Variants in AGAP1 observed in about 807,000 individuals in gnomAD.
AGAP1 encodes arf-GAP with GTPase, ANK repeat and PH domain-containing protein 1.
A neutral mutation model predicts 105.3 loss-of-function variants in AGAP1; 29 were observed. The observed-to-expected ratio is 0.28, with a 90% CI of 0.21 to 0.38. AGAP1 has a LOEUF of 0.38. Among genes scored for constraint, AGAP1 ranks in the 10% least tolerant of loss-of-function variants. AGAP1 has a pLI of 1.00. For synonymous variants in AGAP1, 509 were observed against 485.9 expected (o/e 1.05, Z -0.63); for missense variants, 998 against 1,165.1 (o/e 0.86, Z 2.09).
At chr2:236,031,377 C>CA (rs1240030366) in intron 13 of AGAP1, among the ~76,000 whole-genome samples, 1 of 152,184 alleles carries the variant, frequency 6.6e-6, no homozygotes, top group African/African-American at 2.4e-5. Flanking sequence ...ACGCCACGGG[C>CA]ACCCCTCCTT....
At chr2:235,494,908 G>GGTGTGCGCT in intron 1 of AGAP1, 59 bp downstream of exon 1, 1 of 1,486,608 alleles carries the variant, frequency 6.7e-7, no homozygotes, top group Non-Finnish European at 9.0e-7. Flanking sequence ...GCGCGGCGGG[G>GGTGTGCGCT]GTGTGCGCTG....
intron 12 of AGAP1, among the ~76,000 whole-genome samples, chr2:235,945,111 GT>G (rs1266076947): frequency 1.3e-5 from 2 of 151,818 alleles, no homozygotes; most frequent in African/African-American, 4.8e-5. Flanking sequence ...ATTCTTTTTT[GT>G]TTTTTTGAGA....
At chr2:235,925,471 GT>G (rs1393496728) in intron 11 of AGAP1, among the ~76,000 whole-genome samples, 1 of 152,176 alleles carries the variant, frequency 6.6e-6, no homozygotes, top group Non-Finnish European at 1.5e-5. Flanking sequence ...GGGGCTGAGG[GT>G]TGGGGCGTGG....
In AGAP1 at chr2:236,053,825, A is replaced by G. The variant is rs902223397; in HGVS notation, c.2114+4544A>G. On this transcript the variant is annotated intron_variant, in intron 16 of 17. Coordinates refer to ENST00000304032, the MANE Select transcript of AGAP1 (RefSeq NM_001037131.3). This position sits in a 1 kb window ranked among gnomAD's most constrained non-coding sequence, Gnocchi z 4.6. The stretch of plus-strand genomic sequence containing the variant: ...TGAAAGAGCTCTTGAGAGGCGCTTT[A>G]AGCGCAACTGAAATCACCCATTACC... 6.6e-6 allele frequency among the ~76,000 whole-genome samples: 1 copy of G among 152,270 alleles called. No individual in the cohort carries two copies. The highest frequency in any genetic ancestry group is 2.4e-5 in the African/African-American group (1 of 41,470).
In AGAP1 at chr2:236,014,676, C is replaced by T. The variant is rs2056631649; in HGVS notation, c.1646-21885C>T. 5.7e-6 allele frequency: 2 copies of T among 348,272 alleles called. No homozygotes were observed. Among genetic ancestry groups the T allele is most frequent in the Non-Finnish European group, 1.2e-5 (2 of 170,730 alleles). The allele number at this position is 348,272 out of a possible 1,614,324, so 21.6% of individuals were successfully genotyped here. A position where few individuals can be genotyped will look rare whatever the true frequency, so the allele number is the denominator to read the frequency against. On this transcript the variant is annotated intron_variant, in intron 13 of 17. Transcript: ENST00000304032. This position sits in a 1 kb window ranked among gnomAD's most constrained non-coding sequence, Gnocchi z 6.3. ...GGAGCTCCATGGCACCCACCCGCTT[C>T]GCGCAGACAGCTCGGAGGCAACGTC... is the stretch of plus-strand genomic sequence containing the variant.
chr2:235,554,369 G>A (rs898480398), intron 1 of AGAP1, among the ~76,000 whole-genome samples: 22 of 152,236 alleles, frequency 1.4e-4, no homozygotes, highest in African/African-American at 5.3e-4. Flanking sequence ...GGGCCCAGGG[G>A]TGAGCTCTTG....
intron 13 of AGAP1, among the ~76,000 whole-genome samples, chr2:236,006,395 T>C (rs72991136): frequency 0.25 from 38,360 of 152,156 alleles, 5,882 homozygotes; most frequent in South Asian, 0.46. Flanking sequence ...GCTCGTTGCT[T>C]CTGGGGTGCC....
intron 1 of AGAP1, chr2:235,670,049 T>A: frequency 2.6e-6 from 1 of 384,062 alleles, no homozygotes; most frequent in Non-Finnish European, 4.6e-6. Context: ...CCCGGCGCCC[T>A]CCCGGCCCGC....
At chr2:235,651,170 G>T (rs1947573281) in intron 1 of AGAP1, among the ~76,000 whole-genome samples, 1 of 108,778 alleles carries the variant, frequency 9.2e-6, no homozygotes, top group Non-Finnish European at 1.7e-5. Context: ...GAGTGACAGA[G>T]TGAAACTCCA....
rs541676444 is a variant in AGAP1 at position 236,083,753 on chromosome 2, A to G, written c.2114+34472A>G. ...CACATTAAGTCTGTTTTTTTACAGAAGGATAAATGGATGAACAGGTGTTTT... is the reference window on the plus strand; with the variant it reads ...CACATTAAGTCTGTTTTTTTACAGAGGGATAAATGGATGAACAGGTGTTTT... On this transcript the variant is annotated intron_variant, in intron 16 of 17. Coordinates refer to ENST00000304032, the MANE Select transcript of AGAP1 (RefSeq NM_001037131.3). This position sits in a 1 kb window ranked among gnomAD's most constrained non-coding sequence, Gnocchi z 5.3. Among the ~76,000 whole-genome samples the G allele has an allele frequency of 6.6e-6, 1 of 152,324 alleles. No individual in the cohort carries two copies. Among genetic ancestry groups the G allele is most frequent in the African/African-American group, 2.4e-5 (1 of 41,574 alleles).
At position 235,985,570 on chromosome 2, in the gene AGAP1, T is replaced by A. The variant is rs551996739; in HGVS notation, c.1645+16947T>A. ...ATTGGCTAGGTTTTCTTCTAGAGTTTTTATGGTTTGGGTTTTCATTTAACT... is the reference window on the plus strand; with the variant it reads ...ATTGGCTAGGTTTTCTTCTAGAGTTATTATGGTTTGGGTTTTCATTTAACT... On this transcript the variant is annotated intron_variant, in intron 13 of 17. Coordinates refer to ENST00000304032, the MANE Select transcript of AGAP1 (RefSeq NM_001037131.3). 2.0e-4 allele frequency among the ~76,000 whole-genome samples: 31 copies of A among 152,354 alleles called. No individual in the cohort carries two copies. The South Asian group carries it at 6.4e-3, about 32-fold the overall frequency.
At chr2:235,694,547 C>T (rs1018736876) in intron 1 of AGAP1, among the ~76,000 whole-genome samples, 3 of 151,278 alleles carry the variant, frequency 2.0e-5, no homozygotes, top group African/African-American at 4.9e-5. Flanking sequence ...CCTCGGGAGG[C>T]TGAGGCAAGA....
chr2:236,115,149 C>G (rs1168798154), intron 16 of AGAP1, among the ~76,000 whole-genome samples: 1 of 152,250 alleles, frequency 6.6e-6, no homozygotes, highest in African/African-American at 2.4e-5. Context: ...GCACTTCCCC[C>G]ACACGTGCCG....
chr2:235,582,528 G>A lies in AGAP1; in HGVS notation c.163+87679G>A, dbSNP rs976179161. On this transcript the variant is annotated intron_variant, in intron 1 of 17. Coordinates refer to ENST00000304032, the MANE Select transcript of AGAP1 (RefSeq NM_001037131.3). This position sits in a 1 kb window ranked among gnomAD's most constrained non-coding sequence, Gnocchi z 4.7. ...GTTGGTTGGTCATGCGTGTAATTAT[G>A]TGTTGAGGTTTGGTGCCTTGAGATT... Among the ~76,000 whole-genome samples the A allele has an allele frequency of 6.6e-6, 1 of 152,234 alleles. No homozygotes were observed. The highest frequency in any genetic ancestry group is 2.4e-5 in the African/African-American group (1 of 41,468).
rs1206013529 is a variant in AGAP1 at position 235,971,440 on chromosome 2, C to T, written c.1645+2817C>T. Among the ~76,000 whole-genome samples, 6 of 152,222 alleles carry T rather than the reference C, an allele frequency of 3.9e-5. No homozygotes were observed. Among genetic ancestry groups the T allele is most frequent in the Non-Finnish European group, 8.8e-5 (6 of 68,040 alleles). ...TTCTGGCCGGGCACAGTGGCTCACG[C>T]CTGTTATCCCAGCACTTTGGGAGGC... On this transcript the variant is annotated intron_variant, in intron 13 of 17. Transcript: ENST00000304032. The surrounding 1 kb of genome is among the most constrained non-coding windows in gnomAD (Gnocchi z 4.8).
chr2:235,506,213 G>T (rs1345393804), intron 1 of AGAP1, among the ~76,000 whole-genome samples: 1 of 152,182 alleles, frequency 6.6e-6, no homozygotes, highest in Non-Finnish European at 1.5e-5. Flanking sequence ...TTACAGGCAT[G>T]AGCCACTGTG....
At chr2:235,607,913 A>T (rs995811245) in intron 1 of AGAP1, among the ~76,000 whole-genome samples, 1 of 152,234 alleles carries the variant, frequency 6.6e-6, no homozygotes, top group Admixed American at 6.5e-5. Flanking sequence ...ACCAAAACAA[A>T]TATTGTTCTT....
At chr2:235,677,703 C>T (rs1401632519) in intron 1 of AGAP1, among the ~76,000 whole-genome samples, 4 of 151,436 alleles carry the variant, frequency 2.6e-5, no homozygotes, top group African/African-American at 7.3e-5. Context: ...CCTGTCATTG[C>T]GAGGGTTTCT....
rs1000091587 is a variant in AGAP1, at chr2:236,073,329, C to T, written c.2114+24048C>T. Among the ~76,000 whole-genome samples the T allele has an allele frequency of 3.3e-5, 5 of 152,194 alleles. No individual in the cohort carries two copies. Among genetic ancestry groups the T allele is most frequent in the African/African-American group, 4.8e-5 (2 of 41,524 alleles). On this transcript the variant is annotated intron_variant, in intron 16 of 17. Transcript: ENST00000304032. The surrounding 1 kb of genome is among the most constrained non-coding windows in gnomAD (Gnocchi z 5.4). ...CTTTTATTCTGAGCCTTTGACACAT[C>T]AGTAGGTTATTTCACACAGCACATC...
Sources: allele counts gnomAD v4.1 joint callset (sites outside exome capture counted in the v4.1 genomes callset), GRCh38; gene constraint gnomAD v4.1.1; non-coding constraint Gnocchi (gnomAD v3.1); transcripts MANE v1.5; gene names NCBI Gene and HGNC (gene_info 2026-07-23, HGNC 2026-07-21).